RBMS1: variants seen among roughly 807,000 people sequenced by gnomAD.
RBMS1 encodes RNA binding motif single stranded interacting protein 1.
In RBMS1, 17 loss-of-function variants were observed where a neutral mutation model predicts 62.3. The observed-to-expected ratio is 0.27, with a 90% CI of 0.19 to 0.41. RBMS1 has a LOEUF of 0.41. RBMS1 is among the 10% of genes least tolerant of loss of function. The probability of loss-of-function intolerance (pLI) is 1.00; values close to 1 mark genes in which losing one functional copy is unlikely to be tolerated. For missense variants in RBMS1, 334 were observed against 504.5 expected (o/e 0.66, Z 3.24); for synonymous variants, 172 against 170.0 (o/e 1.01, Z -0.09).
intron 1 of RBMS1, among the ~76,000 whole-genome samples, chr2:160,475,892 C>G (rs868183263): frequency 3.3e-5 from 5 of 150,306 alleles, no homozygotes; most frequent in Non-Finnish European, 4.4e-5. Context: ...GTTCTCACTC[C>G]ATCACCCAGG....
intron 1 of RBMS1, among the ~76,000 whole-genome samples, chr2:160,474,018 G>C (rs184149722): frequency 4.6e-5 from 7 of 152,218 alleles, no homozygotes; most frequent in Middle Eastern, 3.4e-3. Context: ...AAAACATTAT[G>C]AGTTAATTAT....
At chr2:160,300,603 A>C in intron 6 of RBMS1, 48 bp downstream of exon 6, 1 of 1,540,262 alleles carries the variant, frequency 6.5e-7, no homozygotes, top group East Asian at 2.3e-5. Flanking sequence ...AAAGTTAAAC[A>C]TACATCATAT....
rs985829706 is a variant in RBMS1 at position 160,363,097 on chromosome 2, T to C, written c.251+4119A>G. Among the ~76,000 whole-genome samples, 31 of 152,354 alleles carry C rather than the reference T, an allele frequency of 2.0e-4. 1 individual carries two copies. Among genetic ancestry groups the C allele is most frequent in the Non-Finnish European group, 3.5e-4 (24 of 68,036 alleles). ...CTTTTACTTACATTATTTGATTTAA[T>C]GCTTATCACAATTTTTGATAATAGC... On this transcript the variant is annotated intron_variant, in intron 2 of 13. Coordinates refer to ENST00000348849, the MANE Select transcript of RBMS1 (RefSeq NM_016836.4).
intron 1 of RBMS1, among the ~76,000 whole-genome samples, chr2:160,395,139 G>C (rs2105219417): frequency 6.6e-6 from 1 of 152,294 alleles, no homozygotes; most frequent in East Asian, 1.9e-4. Context: ...AGGACTTCTT[G>C]AAGACTTTTT....
At chr2:160,395,594 A>T (rs1411952492) in intron 1 of RBMS1, among the ~76,000 whole-genome samples, 1 of 148,868 alleles carries the variant, frequency 6.7e-6, no homozygotes, top group African/African-American at 2.5e-5. Context: ...ACTGCACTCC[A>T]GCCTGGGTGA....
At chr2:160,308,856 T>G (rs1279159086) in intron 4 of RBMS1, among the ~76,000 whole-genome samples, 1 of 152,198 alleles carries the variant, frequency 6.6e-6, no homozygotes, top group Non-Finnish European at 1.5e-5. Flanking sequence ...ATATACCCAG[T>G]CCAGTGTTGA....
At chr2:160,280,791 ATATAATAAG>A (rs1360918791) in intron 10 of RBMS1, among the ~76,000 whole-genome samples, 2 of 149,694 alleles carry the variant, frequency 1.3e-5, no homozygotes, top group Non-Finnish European at 3.0e-5. Flanking sequence ...GAAATACACT[ATATAATAAG>A]TATAACTCAT....
intron 2 of RBMS1, among the ~76,000 whole-genome samples, chr2:160,337,726 C>CA (rs1193850862): frequency 2.6e-5 from 4 of 152,028 alleles, no homozygotes; most frequent in African/African-American, 9.7e-5. Context: ...AATCTGAAGC[C>CA]AATTGACCCT....
intron 1 of RBMS1, among the ~76,000 whole-genome samples, chr2:160,371,674 T>A (rs1316301992): frequency 6.6e-6 from 1 of 152,216 alleles, no homozygotes; most frequent in African/African-American, 2.4e-5. Context: ...ACGAGTGGTT[T>A]GGCACCATCA....
At chr2:160,307,046 G>A (rs1045480340) in intron 4 of RBMS1, among the ~76,000 whole-genome samples, 1 of 152,062 alleles carries the variant, frequency 6.6e-6, no homozygotes, top group African/African-American at 2.4e-5. Context: ...CACATTGGCC[G>A]TCAGAGTGAT....
At chr2:160,301,206 C>A (rs546630156) in intron 5 of RBMS1, among the ~76,000 whole-genome samples, 2 of 152,076 alleles carry the variant, frequency 1.3e-5, no homozygotes, top group South Asian at 4.2e-4. Context: ...TGAGAGGGTG[C>A]GCCTTATATG....
At chr2:160,390,688 C>CA (rs34478081) in intron 1 of RBMS1, among the ~76,000 whole-genome samples, 21,600 of 60,236 alleles carry the variant, frequency 0.36, 3,665 homozygotes, top group Admixed American at 0.45. Context: ...GACCCAGTCT[C>CA]AAAAAAAAAA....
At chr2:160,300,303 C>G (rs1003534846) in intron 6 of RBMS1, among the ~76,000 whole-genome samples, 4 of 152,156 alleles carry the variant, frequency 2.6e-5, no homozygotes, top group African/African-American at 9.7e-5. Context: ...GGTCTAGGCA[C>G]TGCTGGGATA....
At chr2:160,415,782 G>T (rs888528014) in intron 1 of RBMS1, among the ~76,000 whole-genome samples, 3 of 152,108 alleles carry the variant, frequency 2.0e-5, no homozygotes, top group African/African-American at 7.2e-5. Context: ...GAAAGAAACA[G>T]TAAGTTTCCT....
intron 1 of RBMS1, among the ~76,000 whole-genome samples, chr2:160,448,146 T>A (rs1045999527): frequency 6.6e-6 from 1 of 152,248 alleles, no homozygotes; most frequent in Admixed American, 6.5e-5. Context: ...ATATTGTCTA[T>A]TCTTATATTC....
intron 1 of RBMS1, among the ~76,000 whole-genome samples, chr2:160,432,926 C>G (rs906073400): frequency 1.3e-5 from 2 of 152,094 alleles, no homozygotes; most frequent in African/African-American, 2.4e-5. Flanking sequence ...GCCCAACTAC[C>G]CAGAACAGAG....
At chr2:160,308,951 C>T (rs1037309071) in intron 4 of RBMS1, among the ~76,000 whole-genome samples, 15 of 152,136 alleles carry the variant, frequency 9.9e-5, no homozygotes, top group African/African-American at 3.6e-4. Context: ...AAAATGGTGC[C>T]TAGGTAAGTG....
chr2:160,289,145 C>G (rs1459892345), intron 6 of RBMS1, among the ~76,000 whole-genome samples: 1 of 152,006 alleles, frequency 6.6e-6, no homozygotes, highest in South Asian at 2.1e-4. Flanking sequence ...ATAAAGCCTG[C>G]TAAAAATGCA....
At chr2:160,375,346 T>A (rs1244419269) in intron 1 of RBMS1, among the ~76,000 whole-genome samples, 1 of 152,172 alleles carries the variant, frequency 6.6e-6, no homozygotes, top group Admixed American at 6.5e-5. Context: ...CCCGACTTAG[T>A]CATAAGTGAT....
Sources: gnomAD v4.1 joint callset for allele counts (sites outside exome capture counted in the v4.1 genomes callset) on GRCh38, gnomAD v4.1.1 for gene constraint, MANE v1.5 for transcripts, NCBI Gene and HGNC (gene_info 2026-07-23, HGNC 2026-07-21) for gene names.